Variants in HNRNPC observed in about 807,000 individuals in gnomAD.
The protein encoded by HNRNPC is heterogeneous nuclear ribonucleoprotein C.
Under a neutral mutation model 33.2 loss-of-function variants are expected in HNRNPC, and 3 were observed. That is an observed-to-expected ratio of 0.09 (90% CI 0.04 to 0.23). The LOEUF (loss-of-function observed/expected upper bound fraction) is 0.23. Ranked by LOEUF, HNRNPC falls within the 10% of genes least tolerant of loss-of-function variation. The probability of loss-of-function intolerance (pLI) is 1.00; values close to 1 mark genes in which losing one functional copy is unlikely to be tolerated. For synonymous variants in HNRNPC, 121 were observed against 126.7 expected (o/e 0.96, Z 0.30); for missense variants, 143 against 366.7 (o/e 0.39, Z 4.98).
At chr14:21,247,969 C>A (rs943250407) in intron 2 of HNRNPC, among the ~76,000 whole-genome samples, 1 of 150,718 alleles carries the variant, frequency 6.6e-6, no homozygotes, top group Non-Finnish European at 1.5e-5. Flanking sequence ...CCAGCCTCGG[C>A]GATGCAGTAA....
chr14:21,223,535 G>A (rs1043830046), intron 5 of HNRNPC, among the ~76,000 whole-genome samples: 9 of 152,096 alleles, frequency 5.9e-5, no homozygotes, highest in East Asian at 3.8e-4. Flanking sequence ...CATCACTTGA[G>A]CTCAGGAGTT....
intron 5 of HNRNPC, among the ~76,000 whole-genome samples, chr14:21,215,293 AC>A (rs1369884102): frequency 9.2e-5 from 14 of 152,334 alleles, no homozygotes; most frequent in South Asian, 4.1e-4. Context: ...TAGAAAAAAA[AC>A]ATACATAGTG....
intron 4 of HNRNPC, chr14:21,230,666 C>T: frequency 2.0e-6 from 1 of 496,034 alleles, no homozygotes; most frequent in African/African-American, 1.9e-5. Flanking sequence ...CACACTTCTA[C>T]CCTCTCTTAC....
chr14:21,251,721 T>C (rs539251481), intron 2 of HNRNPC, among the ~76,000 whole-genome samples: 1 of 152,294 alleles, frequency 6.6e-6, no homozygotes, highest in African/African-American at 2.4e-5. Flanking sequence ...TCTCAGATTT[T>C]AGAAATACTA....
chr14:21,227,183 G>C (rs1022221858), intron 5 of HNRNPC, among the ~76,000 whole-genome samples: 1 of 151,934 alleles, frequency 6.6e-6, no homozygotes, highest in Non-Finnish European at 1.5e-5. Flanking sequence ...AAAAACTCCT[G>C]TATCTGCCCC....
intron 5 of HNRNPC, among the ~76,000 whole-genome samples, chr14:21,222,036 G>T (rs4982432): frequency 3.5e-5 from 2 of 57,678 alleles, no homozygotes; most frequent in Non-Finnish European, 5.8e-5. Flanking sequence ...GCAAGACTCC[G>T]TCTCAAAAAA....
At chr14:21,242,917 A>T (rs1895526736) in intron 2 of HNRNPC, among the ~76,000 whole-genome samples, 2 of 152,182 alleles carry the variant, frequency 1.3e-5, no homozygotes, top group Admixed American at 6.5e-5. Flanking sequence ...TCTAGATTAA[A>T]AAAGCAGTGC....
intron 2 of HNRNPC, among the ~76,000 whole-genome samples, chr14:21,244,826 A>T (rs1440204444): frequency 1.3e-5 from 2 of 152,130 alleles, no homozygotes; most frequent in African/African-American, 4.8e-5. Flanking sequence ...ACACTATAAG[A>T]AGTTCTAACA....
intron 2 of HNRNPC, among the ~76,000 whole-genome samples, chr14:21,245,397 G>C (rs1895860674): frequency 6.6e-6 from 1 of 152,036 alleles, no homozygotes. Flanking sequence ...TCGCGAGGCG[G>C]AGGCAGGAGA....
intron 2 of HNRNPC, among the ~76,000 whole-genome samples, chr14:21,245,611 G>C (rs533408418): frequency 5.8e-4 from 88 of 152,274 alleles, no homozygotes; most frequent in Middle Eastern, 3.4e-3. Context: ...TGGTGGGTTT[G>C]AAGCCCTAAG....
intron 7 of HNRNPC, 88 bp downstream of exon 7, chr14:21,211,722 T>G: frequency 7.0e-7 from 1 of 1,428,416 alleles, no homozygotes; most frequent in African/African-American, 1.4e-5. Flanking sequence ...TTACATTGCT[T>G]TATATTCCAC....
chr14:21,232,213 CAA>C (rs1380989213), intron 3 of HNRNPC, among the ~76,000 whole-genome samples: 5 of 152,116 alleles, frequency 3.3e-5, no homozygotes, highest in Admixed American at 1.3e-4. Context: ...GTCAAAAAGC[CAA>C]AAACTCTCTA....
At chr14:21,267,830 C>A (rs894210130) in intron 1 of HNRNPC, among the ~76,000 whole-genome samples, 2 of 152,194 alleles carry the variant, frequency 1.3e-5, no homozygotes, top group African/African-American at 4.8e-5. Context: ...TCTGACATTT[C>A]TCCTTGCCAA....
chr14:21,254,908 C>T (rs1336158654), intron 2 of HNRNPC, among the ~76,000 whole-genome samples: 4 of 145,032 alleles, frequency 2.8e-5, no homozygotes, highest in Non-Finnish European at 4.5e-5. Flanking sequence ...GGCAACAGAG[C>T]GAGACTCTAG....
intron 2 of HNRNPC, among the ~76,000 whole-genome samples, chr14:21,262,108 CCTT>C (rs535407691): frequency 4.3e-4 from 66 of 152,196 alleles, no homozygotes; most frequent in African/African-American, 1.5e-3. Flanking sequence ...AAAAAGCCTA[CCTT>C]TTTTCAAATT....
intron 2 of HNRNPC, among the ~76,000 whole-genome samples, chr14:21,258,985 CTCT>C (rs1388604305): frequency 6.6e-6 from 1 of 152,146 alleles, no homozygotes; most frequent in Non-Finnish European, 1.5e-5. Flanking sequence ...TAAACCAGAC[CTCT>C]TCTTCAAAAT....
At chr14:21,227,944 C>A (rs1893666396) in intron 5 of HNRNPC, among the ~76,000 whole-genome samples, 1 of 152,178 alleles carries the variant, frequency 6.6e-6, no homozygotes, top group South Asian at 2.1e-4. Flanking sequence ...TACACAGAAA[C>A]ACAACCACGT....
At chr14:21,223,332 T>C (rs1314297620) in intron 5 of HNRNPC, among the ~76,000 whole-genome samples, 1 of 152,130 alleles carries the variant, frequency 6.6e-6, no homozygotes, top group Non-Finnish European at 1.5e-5. Context: ...AACTCAGTCA[T>C]ACAGCAGATT....
chr14:21,260,181 C>A (rs1877966949), intron 2 of HNRNPC, among the ~76,000 whole-genome samples: 1 of 130,898 alleles, frequency 7.6e-6, no homozygotes. Flanking sequence ...GCCTGGGCAA[C>A]AGAACAAGAC....
Sources: gnomAD v4.1 joint callset for allele counts (sites outside exome capture counted in the v4.1 genomes callset) on GRCh38, gnomAD v4.1.1 for gene constraint, MANE v1.5 for transcripts, NCBI Gene and HGNC (gene_info 2026-07-23, HGNC 2026-07-21) for gene names.